Variants in SYT16 observed in about 807,000 individuals in gnomAD.
SYT16 encodes the protein synaptotagmin-16.
Under a neutral mutation model 61.4 loss-of-function variants are expected in SYT16, and 42 were observed. The observed-to-expected ratio is 0.68, with a 90% CI of 0.53 to 0.89. The LOEUF is 0.89. Among genes scored for constraint, SYT16 ranks in the 40% least tolerant of loss-of-function variants. The probability of loss-of-function intolerance (pLI) is 0.00; values close to 1 mark genes in which losing one functional copy is unlikely to be tolerated. For missense variants in SYT16, 804 were observed against 807.3 expected, an observed-to-expected ratio of 1.00 and a Z score of 0.05; for synonymous variants, 314 against 302.3, an observed-to-expected ratio of 1.04 and a Z score of -0.40.
At chr14:61,826,682 C>A (rs1408655675) in intron 1 of SYT16, among the ~76,000 whole-genome samples, 2 of 151,894 alleles carry the variant, frequency 1.3e-5, no homozygotes, top group African/African-American at 4.9e-5. Context: ...TTTTATTTCT[C>A]CAGAGATTAA....
chr14:62,067,321 G>A (rs989865343), intron 3 of SYT16, among the ~76,000 whole-genome samples: 2 of 152,152 alleles, frequency 1.3e-5, no homozygotes, highest in African/African-American at 4.8e-5. Flanking sequence ...CTAAAGCTTA[G>A]TGCTATGAAG....
intron 1 of SYT16, among the ~76,000 whole-genome samples, chr14:61,820,751 G>T (rs1378780258): frequency 6.6e-6 from 1 of 152,082 alleles, no homozygotes; most frequent in Non-Finnish European, 1.5e-5. Context: ...AGAGTTGAAT[G>T]CCCTCCTGGC....
chr14:61,948,671 A>G (rs2050546007), intron 1 of SYT16, among the ~76,000 whole-genome samples: 2 of 152,184 alleles, frequency 1.3e-5, no homozygotes. Context: ...CATATTTGGT[A>G]GCACTCAATG....
intron 7 of SYT16, among the ~76,000 whole-genome samples, chr14:62,087,613 C>T (rs192699185): frequency 1.7e-4 from 26 of 152,274 alleles, no homozygotes; most frequent in African/African-American, 4.6e-4. Context: ...AGAGAGACAG[C>T]GGCTAGGATT....
At position 62,104,965 on chromosome 14, in the gene SYT16, T is replaced by C. The variant is rs1357185724; in HGVS notation, c.*4258T>C. On this transcript the variant is annotated 3_prime_UTR_variant, in exon 8 of 8. Transcript: ENST00000683842. Reference sequence around the variant, plus strand: ...AGAAAATATTTAAGATGTGTCTTCTTTTTCTAGCAAATGTTATTATAACAC... The same window carrying C: ...AGAAAATATTTAAGATGTGTCTTCTCTTTCTAGCAAATGTTATTATAACAC... 6.6e-6 allele frequency: 1 copy of C among 152,188 alleles called. No homozygotes were observed. Among genetic ancestry groups the C allele is most frequent in the African/African-American group, 2.4e-5 (1 of 41,444 alleles). The allele number at this position is 152,188 out of a possible 1,614,324, so 9.4% of individuals were successfully genotyped here.
chr14:61,906,616 T>C (rs1208258467), intron 1 of SYT16, among the ~76,000 whole-genome samples: 1 of 152,146 alleles, frequency 6.6e-6, no homozygotes, highest in Non-Finnish European at 1.5e-5. Flanking sequence ...GAGTATGCAG[T>C]TTTAGTTTCT....
chr14:62,039,697 C>T (rs2054640550), intron 3 of SYT16, among the ~76,000 whole-genome samples: 1 of 152,038 alleles, frequency 6.6e-6, no homozygotes, highest in African/African-American at 2.4e-5. Context: ...GCCAAGATTT[C>T]ATAATTATGT....
At chr14:61,977,471 C>G (rs1040262538) in intron 2 of SYT16, among the ~76,000 whole-genome samples, 2 of 152,048 alleles carry the variant, frequency 1.3e-5, no homozygotes, top group Non-Finnish European at 2.9e-5. Context: ...ACCTTCTTTA[C>G]AAGGCAGCAG....
chr14:62,020,953 G>A (rs2053885383), intron 3 of SYT16, among the ~76,000 whole-genome samples: 1 of 152,184 alleles, frequency 6.6e-6, no homozygotes, highest in South Asian at 2.1e-4. Context: ...CTTGGAGTGT[G>A]AGCTGTTTCT....
chr14:62,044,878 G>A (rs1054845745), intron 3 of SYT16, among the ~76,000 whole-genome samples: 6 of 152,146 alleles, frequency 3.9e-5, no homozygotes, highest in East Asian at 1.9e-4. Flanking sequence ...AGTGGCTCAC[G>A]CCTGTAATTC....
At chr14:61,951,985 C>T (rs989870095) in intron 1 of SYT16, among the ~76,000 whole-genome samples, 14 of 152,098 alleles carry the variant, frequency 9.2e-5, no homozygotes, top group South Asian at 4.2e-4. Context: ...AGACAGGTTT[C>T]GCCATGTTGC....
At chr14:62,089,423 T>A (rs1411750422) in intron 7 of SYT16, among the ~76,000 whole-genome samples, 1 of 152,190 alleles carries the variant, frequency 6.6e-6, no homozygotes, top group East Asian at 1.9e-4. Context: ...GGCTGGGCAT[T>A]TCTTCTTTTC....
At position 62,100,828 on chromosome 14, in the gene SYT16, A is replaced by G; in HGVS notation, c.*121A>G. The G allele has an allele frequency of 1.0e-6, 1 of 1,001,986 alleles. No homozygotes were observed. Among genetic ancestry groups the G allele is most frequent in the Non-Finnish European group, 1.4e-6 (1 of 700,772 alleles). The allele number at this position is 1,001,986 out of a possible 1,614,324, so 62.1% of individuals were successfully genotyped here. ...AAAACAGATTCCACTAACCCCTAGG[A>G]CATTGTGAGTGGGAGTTTTGGGTTT... On this transcript the variant is annotated 3_prime_UTR_variant, in exon 8 of 8. Transcript: ENST00000683842.
Position 62,106,834 on chromosome 14 carries a change from A to G in SYT16, c.*6127A>G, listed in dbSNP as rs1213335021. On this transcript the variant is annotated 3_prime_UTR_variant, in exon 8 of 8. Transcript: ENST00000683842. ...ATATCCACTGTGGAACCTGTGAAAC[A>G]GCTCGAGGCTTTACAGAACAAGCTC... The G allele has an allele frequency of 6.6e-6, 1 of 152,148 alleles. No homozygotes were observed. The highest frequency in any genetic ancestry group is 2.4e-5 in the African/African-American group (1 of 41,432). The allele number at this position is 152,148 out of a possible 1,614,324, so 9.4% of individuals were successfully genotyped here. A position where few individuals can be genotyped will look rare whatever the true frequency, so the allele number is the denominator to read the frequency against.
chr14:62,007,337 G>A (rs2053263795), intron 3 of SYT16, among the ~76,000 whole-genome samples: 1 of 152,066 alleles, frequency 6.6e-6, no homozygotes, highest in Admixed American at 6.6e-5. Flanking sequence ...TCATTTGTTA[G>A]TCCTTCATTT....
At chr14:62,006,750 A>G (rs2053241923) in intron 3 of SYT16, among the ~76,000 whole-genome samples, 1 of 152,148 alleles carries the variant, frequency 6.6e-6, no homozygotes, top group South Asian at 2.1e-4. Flanking sequence ...CACCTTTGAT[A>G]TGTGATGGGA....
chr14:62,112,148 G>T lies in SYT16; in HGVS notation c.*11441G>T, dbSNP rs1413999135. On this transcript the variant is annotated 3_prime_UTR_variant, in exon 8 of 8. Coordinates refer to ENST00000683842, the MANE Select transcript of SYT16 (RefSeq NM_001367656.1). ...TATTGTGTTTAAACAAGACCAATCAGTGAAATATTGAATGTCAATACTTTT... is the reference window on the plus strand; with the variant it reads ...TATTGTGTTTAAACAAGACCAATCATTGAAATATTGAATGTCAATACTTTT... The T allele has an allele frequency of 6.6e-6, 1 of 152,102 alleles. No homozygotes were observed. Among genetic ancestry groups the T allele is most frequent in the Non-Finnish European group, 1.5e-5 (1 of 67,964 alleles). 9.4% of individuals were successfully genotyped at this position (152,102 alleles called of 1,614,324 possible).
chr14:62,076,762 C>T (rs1038290156), intron 5 of SYT16, among the ~76,000 whole-genome samples: 1 of 152,214 alleles, frequency 6.6e-6, no homozygotes, highest in Admixed American at 6.5e-5. Context: ...TTTTGAATCT[C>T]TCTCCCAAAA....
At chr14:62,077,896 T>C (rs1272672411) in intron 5 of SYT16, among the ~76,000 whole-genome samples, 1 of 152,046 alleles carries the variant, frequency 6.6e-6, no homozygotes, top group African/African-American at 2.4e-5. Context: ...AACCTGCAGG[T>C]GGAGTGAGCA....
Sources: allele counts gnomAD v4.1 joint callset (sites outside exome capture counted in the v4.1 genomes callset), GRCh38; gene constraint gnomAD v4.1.1; transcripts MANE v1.5; gene names NCBI Gene and HGNC (gene_info 2026-07-23, HGNC 2026-07-21).